The following TCFL5 variants were observed in gnomAD, a reference collection of about 807,000 sequenced individuals.
TCFL5 encodes transcription factor like 5.
Under a neutral mutation model 44.3 loss-of-function variants are expected in TCFL5, and 9 were observed. The observed-to-expected ratio is 0.20, with a 90% CI of 0.12 to 0.35. The LOEUF (loss-of-function observed/expected upper bound fraction) is 0.35. TCFL5 is among the 10% of genes least tolerant of loss of function. TCFL5 has a pLI of 1.00. For missense variants in TCFL5, 603 were observed against 613.4 expected, an observed-to-expected ratio of 0.98 and a Z score of 0.18; for synonymous variants, 319 against 271.6, an observed-to-expected ratio of 1.17 and a Z score of -1.72.
Position 62,861,704 on chromosome 20 carries a change from GAC to G in TCFL5, c.-36_-35del, listed in dbSNP as rs1291076288. The G allele has an allele frequency of 6.2e-6, 1 of 162,024 alleles. No homozygotes were observed. Among genetic ancestry groups the G allele is most frequent in the Non-Finnish European group, 1.2e-5 (1 of 81,064 alleles). The allele number at this position is 162,024 out of a possible 1,614,324, so 10.0% of individuals were successfully genotyped here. Reference sequence around the variant, plus strand: ...GGCGCGGCCCAACGGCGGCGAGGGCGACGCGGGCGGCGGGCGGCGGGAGGCGG... The same window carrying G: ...GGCGCGGCCCAACGGCGGCGAGGGCGGCGGGCGGCGGGCGGCGGGAGGCGG... On this transcript the variant is annotated 5_prime_UTR_variant, in exon 1 of 6. Coordinates refer to ENST00000335351, the MANE Select transcript of TCFL5 (RefSeq NM_006602.4). This position sits in a 1 kb window ranked among gnomAD's most constrained non-coding sequence, Gnocchi z 4.0.
In TCFL5 at chr20:62,841,264, GTGAT is replaced by G. The variant is rs4204; in HGVS notation, c.*707_*710del. 43,519 of 155,068 alleles carry G rather than the reference GTGAT, an allele frequency of 0.28. 6,315 individuals carry two copies. Among genetic ancestry groups the G allele is most frequent in the African/African-American group, 0.34 (14,285 of 41,442 alleles). 9.6% of individuals were successfully genotyped at this position (155,068 alleles called of 1,614,324 possible). Reference sequence around the variant, plus strand: ...CTAACGTCTATTGCTATTACCTGTTGTGATTGATAAGTAAAGCCACTCATTGAAA... The same window carrying G: ...CTAACGTCTATTGCTATTACCTGTTGTGATAAGTAAAGCCACTCATTGAAA... On this transcript the variant is annotated 3_prime_UTR_variant, in exon 6 of 6. Transcript: ENST00000335351.
intron 5 of TCFL5, chr20:62,845,448 G>C: frequency 7.5e-7 from 1 of 1,324,622 alleles, no homozygotes; most frequent in Non-Finnish European, 9.7e-7. Context: ...AAAGGTTTTA[G>C]GATGCAATTT....
chr20:62,857,548 ATC>A lies in TCFL5; in HGVS notation c.1083_1084del (p.Glu361AspfsTer41). Reference sequence around the variant, plus strand: ...GGTGGCACCTTCGCCCACATTCTGAATCTCTCCAAGGGCTCTTCGCTCTACAT... The same window carrying A: ...GGTGGCACCTTCGCCCACATTCTGAATCTCCAAGGGCTCTTCGCTCTACAT... On this transcript the variant is annotated frameshift_variant, in exon 4 of 6. Transcript: ENST00000335351. LOFTEE classifies it high-confidence loss of function. The A allele has an allele frequency of 6.2e-7, 1 of 1,614,138 alleles. No homozygotes were observed. Among genetic ancestry groups the A allele is most frequent in the Non-Finnish European group, 8.5e-7 (1 of 1,180,024 alleles).
At chr20:62,852,330 C>T (rs1193073519) in intron 5 of TCFL5, 1 of 984,832 alleles carries the variant, frequency 1.0e-6, no homozygotes. Flanking sequence ...GAACTCGGGT[C>T]CCCCAAAGGC....
At chr20:62,852,801 A>G in intron 5 of TCFL5, 2 of 1,289,568 alleles carry the variant, frequency 1.6e-6, no homozygotes, top group Middle Eastern at 2.1e-4. Flanking sequence ...CCCGGTCCGC[A>G]GAAGTATATT....
chr20:62,852,500 G>A lies in TCFL5; in HGVS notation c.1380+1516C>T, dbSNP rs573002212. The A allele has an allele frequency of 2.7e-4, 266 of 985,488 alleles. No homozygotes were observed. The African/African-American group carries it at 2.9e-3, about 11-fold the overall frequency. The allele number at this position is 985,488 out of a possible 1,614,324, so 61.0% of individuals were successfully genotyped here. A position where few individuals can be genotyped will look rare whatever the true frequency, so the allele number is the denominator to read the frequency against. ...CTGAACTCCTGCATTCAAATCACACGTCTAGTTCCAGCCAACCACGATGGC... is the reference window on the plus strand; with the variant it reads ...CTGAACTCCTGCATTCAAATCACACATCTAGTTCCAGCCAACCACGATGGC... On this transcript the variant is annotated intron_variant, in intron 5 of 5. Coordinates refer to ENST00000335351, the MANE Select transcript of TCFL5 (RefSeq NM_006602.4).
intron 5 of TCFL5, among the ~76,000 whole-genome samples, chr20:62,848,634 A>G (rs1015799524): frequency 6.6e-6 from 1 of 151,902 alleles, no homozygotes; most frequent in Admixed American, 6.6e-5. Context: ...GCTACTCGGG[A>G]GGCTGAGGCA....
At chr20:62,844,578 T>C (rs2063717713) in intron 5 of TCFL5, among the ~76,000 whole-genome samples, 1 of 125,802 alleles carries the variant, frequency 7.9e-6, no homozygotes, top group South Asian at 2.2e-4. Context: ...TTTGTTTGTT[T>C]TTTGTTTTTT....
intron 5 of TCFL5, chr20:62,845,029 T>G (rs781019664): frequency 5.6e-5 from 55 of 986,146 alleles, no homozygotes; most frequent in Non-Finnish European, 6.6e-5. Flanking sequence ...CCATCCACTT[T>G]TAAGCAACTT....
chr20:62,843,156 A>T (rs2147241630), intron 5 of TCFL5, among the ~76,000 whole-genome samples: 1 of 152,344 alleles, frequency 6.6e-6, no homozygotes, highest in South Asian at 2.1e-4. Context: ...TGAGGAAGAA[A>T]GGAAGGGGGA....
Position 62,841,949 on chromosome 20 carries a change from C to T in TCFL5, c.*26G>A, listed in dbSNP as rs2063684307. On this transcript the variant is annotated 3_prime_UTR_variant, in exon 6 of 6. Coordinates refer to ENST00000335351, the MANE Select transcript of TCFL5 (RefSeq NM_006602.4). ...AGGTCACGAAGGAATGGCTGTTCAC[C>T]CCCCGAGGATTCCTGTTCAGTCCGA... 2 of 1,612,812 alleles carry T rather than the reference C, an allele frequency of 1.2e-6. No individual in the cohort carries two copies. Among genetic ancestry groups the T allele is most frequent in the African/African-American group, 1.3e-5 (1 of 74,998 alleles).
chr20:62,851,560 A>T, intron 5 of TCFL5: 3 of 985,416 alleles, frequency 3.0e-6, no homozygotes, highest in Non-Finnish European at 3.6e-6. Context: ...AATCTTCAAG[A>T]GTAACTGCAT....
At chr20:62,851,114 C>A (rs6062709) in intron 5 of TCFL5, among the ~76,000 whole-genome samples, 3 of 152,236 alleles carry the variant, frequency 2.0e-5, no homozygotes, top group African/African-American at 7.2e-5. Flanking sequence ...TCATGTATTA[C>A]GTCTTCAAGG....
In TCFL5 at chr20:62,861,503, C is replaced by A; in HGVS notation, c.168G>T (p.Gln56His). 1 of 1,197,200 alleles carries A rather than the reference C, an allele frequency of 8.4e-7. No homozygotes were observed. 74.2% of individuals were successfully genotyped at this position (1,197,200 alleles called of 1,614,324 possible). ...TGTGCGAGCAGAGGATGTGCTGCAG[C>A]TGCGTGTACTCCACCTCCGTCATCT... ...LVEMTEVEYT[Q>H]LQHILCSHME... The change falls in exon 1 of 6, where the codon CAG becomes CAT. Residue 56 changes from glutamine to histidine, a missense_variant. This residue lies in a region of TCFL5 where 540 missense variants were observed against 478.7 expected (regional missense o/e 1.13). Transcript: ENST00000335351. The surrounding 1 kb of genome is among the most constrained non-coding windows in gnomAD (Gnocchi z 4.0).
rs530734580 is a variant in TCFL5 at position 62,856,111 on chromosome 20, G to A, written c.1238+1284C>T. 1.2e-4 allele frequency among the ~76,000 whole-genome samples: 18 copies of A among 151,702 alleles called. No homozygotes were observed. The East Asian group carries it at 1.6e-3, about 13-fold the overall frequency. ...TAAAAGGTACAAGAATTAGCTGGGC[G>A]TAGTGGCGGGTACCTGTAATCCCAG... is the stretch of plus-strand genomic sequence containing the variant. On this transcript the variant is annotated intron_variant, in intron 4 of 5. Transcript: ENST00000335351.
At chr20:62,846,098 CTG>C (rs1185819137) in intron 5 of TCFL5, 1 of 1,314,600 alleles carries the variant, frequency 7.6e-7, no homozygotes. Context: ...CATGACGTAT[CTG>C]GAGTTTGTGC....
chr20:62,853,220 T>G (rs142615184), intron 5 of TCFL5, among the ~76,000 whole-genome samples: 16,360 of 97,498 alleles, frequency 0.17, 1,492 homozygotes, highest in Non-Finnish European at 0.2. Context: ...CAGAAGTATA[T>G]GCACCCAGTC....
chr20:62,851,717 C>A (rs2063812667), intron 5 of TCFL5: 1 of 985,304 alleles, frequency 1.0e-6, no homozygotes, highest in African/African-American at 1.7e-5. Flanking sequence ...GGGACAGAGA[C>A]AAGACAAACT....
In TCFL5 at chr20:62,861,228, TC is replaced by T; in HGVS notation, c.442del (p.Asp148ThrfsTer71). 2 of 1,158,678 alleles carry T rather than the reference TC, an allele frequency of 1.7e-6. No individual in the cohort carries two copies. Among genetic ancestry groups the T allele is most frequent in the South Asian group, 1.9e-5 (1 of 53,250 alleles). 71.8% of individuals were successfully genotyped at this position (1,158,678 alleles called of 1,614,324 possible). On this transcript the variant is annotated frameshift_variant, in exon 1 of 6. Coordinates refer to ENST00000335351, the MANE Select transcript of TCFL5 (RefSeq NM_006602.4). LOFTEE classifies it high-confidence loss of function. This position sits in a 1 kb window ranked among gnomAD's most constrained non-coding sequence, Gnocchi z 4.0. ...GCCGTCGGCCCGGGCCCTCGCTCCG[TC>T]CCCGCCGCCCGACGTCTTCTCCGCC... ...GAAEKTSGGG[D>X]GARARADGAA...
Sources: gnomAD v4.1 joint callset for allele counts (sites outside exome capture counted in the v4.1 genomes callset) on GRCh38, gnomAD v4.1.1 for gene constraint, gnomAD v4.1.1 regional missense constraint, Gnocchi (gnomAD v3.1) non-coding constraint, MANE v1.5 for transcripts, NCBI Gene and HGNC (gene_info 2026-07-23, HGNC 2026-07-21) for gene names.